The following BMERB1 variants were observed in gnomAD, a reference collection of about 807,000 sequenced individuals.
BMERB1 encodes the protein bMERB domain containing 1, also known as bMERB domain-containing protein 1.
Under a neutral mutation model 23.6 loss-of-function variants are expected in BMERB1, and 12 were observed. The ratio of observed to expected loss-of-function variants is 0.51; its 90% confidence interval spans 0.33 to 0.82. The LOEUF is 0.82. Among genes scored for constraint, BMERB1 ranks in the 40% least tolerant of loss-of-function variants. The pLI is 0.03. For missense variants in BMERB1, 247 were observed against 255.4 expected (o/e 0.97, Z 0.22); for synonymous variants, 122 against 96.6 (o/e 1.26, Z -1.54).
At chr16:15,482,685 C>T (rs1016529605) in intron 1 of BMERB1, among the ~76,000 whole-genome samples, 6 of 152,056 alleles carry the variant, frequency 3.9e-5, no homozygotes, top group East Asian at 1.9e-4. Context: ...TGGGGGCTGC[C>T]GTGTAGGATT....
At chr16:15,477,719 T>G (rs1376784859) in intron 1 of BMERB1, among the ~76,000 whole-genome samples, 1 of 152,080 alleles carries the variant, frequency 6.6e-6, no homozygotes, top group Non-Finnish European at 1.5e-5. Context: ...AGCGTTTTTT[T>G]TTTTCTGTGC....
At chr16:15,556,673 C>G (rs2030268353) in intron 2 of BMERB1, among the ~76,000 whole-genome samples, 2 of 152,274 alleles carry the variant, frequency 1.3e-5, no homozygotes, top group South Asian at 4.1e-4. Context: ...GCAACCTCCA[C>G]CTCCCAGGTT....
chr16:15,444,204 T>C lies in BMERB1; in HGVS notation c.106+9445T>C, dbSNP rs1421762012. On this transcript the variant is annotated intron_variant, in intron 1 of 5. Transcript: ENST00000300006. ...ATCCTGGGACTGCCTGGTTCACTTA[T>C]ATGAATGGGCTTGGGGGTTGGTTGG... is the stretch of plus-strand genomic sequence containing the variant. 2.8e-5 allele frequency among the ~76,000 whole-genome samples: 4 copies of C among 145,300 alleles called. No individual in the cohort carries two copies. In the East Asian group the frequency reaches 8.7e-4, roughly 32 times the overall value.
chr16:15,538,431 G>A (rs992082032), intron 2 of BMERB1, among the ~76,000 whole-genome samples: 6 of 151,556 alleles, frequency 4.0e-5, no homozygotes, highest in Non-Finnish European at 7.4e-5. Context: ...CAGCCTGGGT[G>A]ACAGAGCAAG....
rs143632499 is a variant in BMERB1, at chr16:15,460,579, C to T, written c.106+25820C>T. ...CATTTGTGTTTGATGTGATGATGTG[C>T]CAAGACCAGCCTGAAGGTGGCCAAG... On this transcript the variant is annotated intron_variant, in intron 1 of 5. Transcript: ENST00000300006. 3.9e-4 allele frequency among the ~76,000 whole-genome samples: 60 copies of T among 152,202 alleles called. No homozygotes were observed. The East Asian group carries it at 9.5e-3, about 24-fold the overall frequency.
chr16:15,477,247 A>G (rs2051282251), intron 1 of BMERB1, among the ~76,000 whole-genome samples: 1 of 152,122 alleles, frequency 6.6e-6, no homozygotes, highest in African/African-American at 2.4e-5. Flanking sequence ...GAATGAGTGC[A>G]AGCAGGGGAA....
intron 3 of BMERB1, among the ~76,000 whole-genome samples, chr16:15,578,498 C>T (rs1313675545): frequency 6.6e-6 from 1 of 152,010 alleles, no homozygotes; most frequent in African/African-American, 2.4e-5. Flanking sequence ...TAGAGTATTT[C>T]CAAATAGAAG....
At chr16:15,471,756 T>A (rs1350743587) in intron 1 of BMERB1, among the ~76,000 whole-genome samples, 2 of 152,128 alleles carry the variant, frequency 1.3e-5, no homozygotes, top group Non-Finnish European at 2.9e-5. Flanking sequence ...TGGCTAATTT[T>A]TTGTAGAGAT....
intron 1 of BMERB1, among the ~76,000 whole-genome samples, chr16:15,511,015 C>T (rs920110161): frequency 3.3e-5 from 5 of 151,862 alleles, no homozygotes; most frequent in African/African-American, 1.2e-4. Context: ...ATTAATATTT[C>T]GATCCTATTC....
At chr16:15,535,333 AGAGT>A (rs2052014673) in intron 2 of BMERB1, among the ~76,000 whole-genome samples, 1 of 152,048 alleles carries the variant, frequency 6.6e-6, no homozygotes, top group African/African-American at 2.4e-5. Context: ...TCTGGGCAAC[AGAGT>A]GAGACTCTGT....
chr16:15,533,193 A>T (rs186513488), intron 2 of BMERB1: 1 of 329,176 alleles, frequency 3.0e-6, no homozygotes, highest in African/African-American at 2.2e-5. Flanking sequence ...GAGTTTGGAA[A>T]TGGATAGATA....
chr16:15,565,103 A>T (rs1410925600), intron 2 of BMERB1, among the ~76,000 whole-genome samples: 1 of 151,606 alleles, frequency 6.6e-6, no homozygotes, highest in Non-Finnish European at 1.5e-5. Context: ...AGCAACACTC[A>T]GGGGACTAAG....
intron 2 of BMERB1, among the ~76,000 whole-genome samples, chr16:15,528,986 T>A (rs2051939146): frequency 6.6e-6 from 1 of 152,146 alleles, no homozygotes; most frequent in Non-Finnish European, 1.5e-5. Flanking sequence ...GATCTTGGAC[T>A]TTCCAGCCTC....
chr16:15,481,475 C>T (rs1411259800), intron 1 of BMERB1, among the ~76,000 whole-genome samples: 1 of 151,902 alleles, frequency 6.6e-6, no homozygotes, highest in African/African-American at 2.4e-5. Context: ...TGCAGTGAGC[C>T]GAGATTGTGC....
At chr16:15,529,149 C>T (rs1368676836) in intron 2 of BMERB1, among the ~76,000 whole-genome samples, 11 of 152,096 alleles carry the variant, frequency 7.2e-5, no homozygotes, top group Non-Finnish European at 1.6e-4. Context: ...CTCAGCCTCC[C>T]GAGTAGCTGG....
chr16:15,584,818 T>C (rs937461281), intron 5 of BMERB1, among the ~76,000 whole-genome samples: 8 of 152,146 alleles, frequency 5.3e-5, no homozygotes, highest in African/African-American at 1.7e-4. Flanking sequence ...ATACCACAGG[T>C]TCTTTTCCCT....
In BMERB1 at chr16:15,567,984, A is replaced by G. The variant is rs747683092; in HGVS notation, c.232A>G (p.Met78Val). Residue 78 changes from methionine (M) to valine (V), a missense_variant and splice_region_variant, in exon 3 of 6, where the codon ATG becomes GTG. Transcript: ENST00000300006. ...VRRESELRFM[M>V]DDIQLCKDIM... The stretch of plus-strand genomic sequence containing the variant: ...GTTGATGGTGTCCTGTTTCCCCAGG[A>G]TGGATGACATCCAGCTCTGCAAGGA... 3.8e-5 allele frequency: 61 copies of G among 1,612,842 alleles called. No homozygotes were observed. Among genetic ancestry groups the G allele is most frequent in the Non-Finnish European group, 5.1e-5 (60 of 1,179,064 alleles).
At chr16:15,480,543 T>A (rs575356820) in intron 1 of BMERB1, among the ~76,000 whole-genome samples, 1 of 151,830 alleles carries the variant, frequency 6.6e-6, no homozygotes, top group East Asian at 1.9e-4. Context: ...CATTTGATTG[T>A]GTGCCTAGAC....
intron 3 of BMERB1, among the ~76,000 whole-genome samples, chr16:15,575,148 G>T (rs1426800065): frequency 6.6e-6 from 1 of 152,102 alleles, no homozygotes; most frequent in Non-Finnish European, 1.5e-5. Flanking sequence ...CTGGCCCATG[G>T]GTGTGACTCC....
Sources: gnomAD v4.1 joint callset for allele counts (sites outside exome capture counted in the v4.1 genomes callset) on GRCh38, gnomAD v4.1.1 for gene constraint, MANE v1.5 for transcripts, NCBI Gene and HGNC (gene_info 2026-07-23, HGNC 2026-07-21) for gene names.